The following TANC1 variants were observed in gnomAD, a reference collection of about 807,000 sequenced individuals.
TANC1 encodes the protein tetratricopeptide repeat, ankyrin repeat and coiled-coil containing 1.
In TANC1, 77 loss-of-function variants were observed where a neutral mutation model predicts 149.7. The observed-to-expected ratio is 0.51, with a 90% confidence interval of 0.43 to 0.62. The LOEUF (loss-of-function observed/expected upper bound fraction) is 0.62. Among genes scored for constraint, TANC1 ranks in the 20% least tolerant of loss-of-function variants. The pLI is 0.00. For synonymous variants in TANC1, 854 were observed against 925.0 expected (o/e 0.92, Z 1.39); for missense variants, 1,985 against 2,321.8 (o/e 0.85, Z 2.98).
rs1344322721 is a variant in TANC1 at position 159,144,747 on chromosome 2, G to A, written c.365-4395G>A. ...TGGAACTCTAAGGAGGGAGGGAATG[G>A]TAATGGCTGAGAAGGAGCAGACAGA... On this transcript the variant is annotated intron_variant, in intron 5 of 26. Coordinates refer to ENST00000263635, the MANE Select transcript of TANC1 (RefSeq NM_033394.3). Among the ~76,000 whole-genome samples, 22 of 152,160 alleles carry A rather than the reference G, an allele frequency of 1.4e-4. 1 individual carries two copies. Among genetic ancestry groups the A allele is most frequent in the Non-Finnish European group, 1.5e-5 (1 of 68,024 alleles).
chr2:159,218,293 C>T (rs937311817), intron 20 of TANC1, among the ~76,000 whole-genome samples: 1 of 152,180 alleles, frequency 6.6e-6, no homozygotes, highest in Admixed American at 6.5e-5. Context: ...CGCGTCTCTG[C>T]TGATGCCTGC....
intron 19 of TANC1, 71 bp downstream of exon 19, chr2:159,199,124 G>A (rs954668253): frequency 8.5e-7 from 1 of 1,182,658 alleles, no homozygotes; most frequent in South Asian, 1.2e-5. Context: ...TGGCCTAATT[G>A]TCTTAAGAAT....
At chr2:158,968,994 G>C (rs1457261310) in intron 1 of TANC1, among the ~76,000 whole-genome samples, 1 of 152,212 alleles carries the variant, frequency 6.6e-6, no homozygotes, top group African/African-American at 2.4e-5. Flanking sequence ...GGCGCCCCGG[G>C]CCTTGGTCTC....
chr2:159,146,749 C>T (rs1332033030), intron 5 of TANC1, among the ~76,000 whole-genome samples: 1 of 151,952 alleles, frequency 6.6e-6, no homozygotes, highest in Non-Finnish European at 1.5e-5. Flanking sequence ...CCATGTTGGC[C>T]AGGCTGCTCT....
At position 159,174,946 on chromosome 2, in the gene TANC1, C is replaced by T. The variant is rs2150508795; in HGVS notation, c.1504-7C>T. On this transcript the variant is annotated splice_polypyrimidine_tract_variant and splice_region_variant and intron_variant, in intron 11 of 26. Coordinates refer to ENST00000263635, the MANE Select transcript of TANC1 (RefSeq NM_033394.3). ...GAGGTGATGCTGACGGTTCTGCTTCCCCCTAGGTGGTGGCCTACCACTACT... is the reference window on the plus strand; with the variant it reads ...GAGGTGATGCTGACGGTTCTGCTTCTCCCTAGGTGGTGGCCTACCACTACT... 2 of 1,612,156 alleles carry T rather than the reference C, an allele frequency of 1.2e-6. No homozygotes were observed. Among genetic ancestry groups the T allele is most frequent in the Non-Finnish European group, 8.5e-7 (1 of 1,178,628 alleles).
At chr2:159,046,374 G>A (rs1056263806) in intron 2 of TANC1, among the ~76,000 whole-genome samples, 1 of 152,038 alleles carries the variant, frequency 6.6e-6, no homozygotes, top group Admixed American at 6.5e-5. Flanking sequence ...TTACAATTTA[G>A]GAGGGACTGA....
In TANC1 at chr2:159,091,037, T is replaced by G. The variant is rs532027772; in HGVS notation, c.62-6600T>G. On this transcript the variant is annotated intron_variant, in intron 3 of 26. Coordinates refer to ENST00000263635, the MANE Select transcript of TANC1 (RefSeq NM_033394.3). ...CGAGGGAACAGGGTGTTTTTTTGTT[T>G]TTTTTTTCTTCCCCTCTGTGGTGGC... Among the ~76,000 whole-genome samples, 38 of 152,190 alleles carry G rather than the reference T, an allele frequency of 2.5e-4. 1 individual carries two copies. Among genetic ancestry groups the G allele is most frequent in the South Asian group, 1.0e-3 (5 of 4,826 alleles).
At position 159,097,768 on chromosome 2, in the gene TANC1, C is replaced by T. The variant is rs2046282480; in HGVS notation, c.193C>T (p.Pro65Ser). Residue 65 changes from proline (P) to serine (S), a missense_variant, in exon 4 of 27, where the codon CCT (proline) becomes TCT (serine). Pro to Ser is a moderately conservative substitution (Grantham distance 74, BLOSUM62 -1). Around this residue, in one of 3 missense-constraint regions of TANC1, gnomAD observed 557 missense variants for 612.9 expected, o/e 0.91. Transcript: ENST00000263635. ...GGCCAAAGGTGTCTCGATGTCTCTG[C>T]CTTCCTCACCTTTGCTGCCTCGACA... is the stretch of plus-strand genomic sequence containing the variant. ...SLAKGVSMSL[P>S]SSPLLPRQSH... 1.2e-6 allele frequency: 2 copies of T among 1,613,962 alleles called. No homozygotes were observed. Among genetic ancestry groups the T allele is most frequent in the Non-Finnish European group, 1.7e-6 (2 of 1,180,022 alleles).
At chr2:159,048,091 C>T (rs2041207279) in intron 2 of TANC1, among the ~76,000 whole-genome samples, 1 of 152,078 alleles carries the variant, frequency 6.6e-6, no homozygotes, top group Non-Finnish European at 1.5e-5. Context: ...CCCAGGGGCA[C>T]AGGGCAAGGA....
intron 2 of TANC1, among the ~76,000 whole-genome samples, chr2:159,021,551 TA>T (rs2038832735): frequency 6.6e-6 from 1 of 151,778 alleles, no homozygotes; most frequent in African/African-American, 2.4e-5. Flanking sequence ...GGTAGTGAGT[TA>T]GGATCATGTC....
chr2:158,978,872 T>C (rs2033986476), intron 1 of TANC1, among the ~76,000 whole-genome samples: 1 of 152,218 alleles, frequency 6.6e-6, no homozygotes, highest in African/African-American at 2.4e-5. Context: ...ACAGAATGTA[T>C]ATAAAGTGTT....
chr2:159,062,942 C>T lies in TANC1; in HGVS notation c.-15-2954C>T, dbSNP rs538547535. ...AGATTGCACCACTGCAGTCCGCAGTCCGGCCTGGGCGACAGAGCGAGACTC... is the reference window on the plus strand; with the variant it reads ...AGATTGCACCACTGCAGTCCGCAGTTCGGCCTGGGCGACAGAGCGAGACTC... On this transcript the variant is annotated intron_variant, in intron 2 of 26. Coordinates refer to ENST00000263635, the MANE Select transcript of TANC1 (RefSeq NM_033394.3). 1.9e-3 allele frequency among the ~76,000 whole-genome samples: 226 copies of T among 119,688 alleles called. No homozygotes were observed. The Middle Eastern group carries it at 0.025, about 13-fold the overall frequency. 78.5% of individuals were successfully genotyped at this position (119,688 alleles called of 152,430 possible). A position where few individuals can be genotyped will look rare whatever the true frequency, so the allele number is the denominator to read the frequency against.
chr2:159,153,649 G>C (rs2053101727), intron 7 of TANC1, among the ~76,000 whole-genome samples: 2 of 147,946 alleles, frequency 1.4e-5, no homozygotes, highest in African/African-American at 5.1e-5. Flanking sequence ...TGTAGCCACA[G>C]GTCTTTGAAG....
intron 7 of TANC1, among the ~76,000 whole-genome samples, chr2:159,162,309 G>T (rs17493909): frequency 0.029 from 4,395 of 152,236 alleles, 84 homozygotes; most frequent in Non-Finnish European, 0.046. Context: ...TTTAACAGGC[G>T]TGGAGTTGAG....
At position 159,196,897 on chromosome 2, in the gene TANC1, A is replaced by G. The variant is rs2057897647; in HGVS notation, c.3165+104A>G. ...AAGAAGGAGGATGCCAAGAACTAGC[A>G]TTTGGCGTTGACCACCTGCAGTAGA... On this transcript the variant is annotated intron_variant, in intron 18 of 26. Transcript: ENST00000263635. 29 of 1,161,310 alleles carry G rather than the reference A, an allele frequency of 2.5e-5. No individual in the cohort carries two copies. In the South Asian group the frequency reaches 4.3e-4, roughly 17 times the overall value. 71.9% of individuals were successfully genotyped at this position (1,161,310 alleles called of 1,614,324 possible). A position where few individuals can be genotyped will look rare whatever the true frequency, so the allele number is the denominator to read the frequency against.
At chr2:159,196,513 C>G (rs2057861973) in intron 17 of TANC1, 95 bp from the exon 18 acceptor site, 2 of 1,043,182 alleles carry the variant, frequency 1.9e-6, no homozygotes, top group South Asian at 3.5e-5. Context: ...TGTACGCTTA[C>G]AGGGAGTGGG....
intron 1 of TANC1, among the ~76,000 whole-genome samples, chr2:158,986,542 C>G (rs1187688557): frequency 2.4e-4 from 37 of 152,186 alleles, no homozygotes; most frequent in Admixed American, 6.5e-5. Flanking sequence ...TTTCCAGGCC[C>G]TGCCCCCAGG....
chr2:159,187,025 G>T lies in TANC1; in HGVS notation c.2742+1G>T, dbSNP rs1442953490. The T allele has an allele frequency of 6.2e-7, 1 of 1,613,970 alleles. No individual in the cohort carries two copies. Among genetic ancestry groups the T allele is most frequent in the Non-Finnish European group, 8.5e-7 (1 of 1,179,994 alleles). On this transcript the variant is annotated splice_donor_variant, in intron 16 of 26. Transcript: ENST00000263635. LOFTEE classifies it high-confidence loss of function. ...GAATCTCTATACTCCCAACGTGAAGGTGAGCAACCTTCTGCACAGAGAGCC... is the reference window on the plus strand; with the variant it reads ...GAATCTCTATACTCCCAACGTGAAGTTGAGCAACCTTCTGCACAGAGAGCC...
intron 2 of TANC1, among the ~76,000 whole-genome samples, chr2:159,020,522 ACTT>A (rs558123282): frequency 1.4e-3 from 212 of 152,168 alleles, no homozygotes; most frequent in African/African-American, 4.8e-3. Flanking sequence ...ACAAACCTAA[ACTT>A]CTTTTTTTTC....
Sources: gnomAD v4.1 joint callset for allele counts (sites outside exome capture counted in the v4.1 genomes callset) on GRCh38, gnomAD v4.1.1 for gene constraint, gnomAD v4.1.1 regional missense constraint, MANE v1.5 for transcripts, NCBI Gene and HGNC (gene_info 2026-07-23, HGNC 2026-07-21) for gene names.